MUC17: variants seen among roughly 807,000 people sequenced by gnomAD.
MUC17 encodes mucin 17, cell surface associated.
Under a neutral mutation model 170.3 loss-of-function variants are expected in MUC17, and 190 were observed. The observed-to-expected ratio is 1.12, with a 90% confidence interval of 0.99 to 1.26. MUC17 has a LOEUF of 1.26. Among genes scored for constraint, MUC17 ranks in the 50% most tolerant of loss-of-function variants. The pLI is 0.00. For synonymous variants in MUC17, 2,325 were observed against 2,002.5 expected (o/e 1.16, Z -4.30); for missense variants, 6,415 against 5,530.0 (o/e 1.16, Z -5.08).
rs1423487695 is a variant in MUC17, at chr7:101,040,340, C to G, written c.8924C>G (p.Thr2975Ser). The change falls in exon 3 of 13, where the codon ACC becomes AGC. Residue 2975 changes from threonine to serine, a missense_variant. Thr to Ser is a moderately conservative substitution (Grantham distance 58). Coordinates refer to ENST00000306151, the MANE Select transcript of MUC17 (RefSeq NM_001040105.2). ...ASSSPTTAEG[T>S]SMPISTPGER... ...TCTTCTCCTACAACTGCTGAAGGTA[C>G]CAGCATGCCAATCTCAACTCCTGGC... is the stretch of plus-strand genomic sequence containing the variant. The G allele has an allele frequency of 6.2e-6, 10 of 1,612,408 alleles. No individual in the cohort carries two copies. Among genetic ancestry groups the G allele is most frequent in the Non-Finnish European group, 6.8e-6 (8 of 1,179,498 alleles).
At position 101,032,497 on chromosome 7, in the gene MUC17, A is replaced by G. The variant is rs1794316056; in HGVS notation, c.1081A>G (p.Thr361Ala). ...CACACTTTCAATAACTCCTGTTGAC[A>G]CCAGCACACTTGTGACCACTTCTAC... is the stretch of plus-strand genomic sequence containing the variant. ...MSTLSITPVD[T>A]STLVTTSTEP... is the part of the protein sequence containing the mutation. Residue 361 changes from threonine (T) to alanine (A), a missense_variant, in exon 3 of 13, where the codon ACC becomes GCC. By Grantham distance (58) the Thr-to-Ala change is moderately conservative. Coordinates refer to ENST00000306151, the MANE Select transcript of MUC17 (RefSeq NM_001040105.2). 2 of 1,613,932 alleles carry G rather than the reference A, an allele frequency of 1.2e-6. No individual in the cohort carries two copies. The highest frequency in any genetic ancestry group is 1.3e-5 in the African/African-American group (1 of 74,872).
Position 101,038,395 on chromosome 7 carries a change from A to G in MUC17, c.6979A>G (p.Ser2327Gly), listed in dbSNP as rs772736171. The stretch of plus-strand genomic sequence containing the variant: ...ACCTCCTCCCACTGCTGAAGGTACC[A>G]GCATGCCAACCTCAACTTCTAGTGA... ...SSPPPTAEGT[S>G]MPTSTSSEGN... Residue 2327 changes from serine (S) to glycine (G), a missense_variant, in exon 3 of 13, where the codon AGC becomes GGC. By Grantham distance (56) the Ser-to-Gly change is moderately conservative (BLOSUM62 0). Coordinates refer to ENST00000306151, the MANE Select transcript of MUC17 (RefSeq NM_001040105.2). 1.7e-5 allele frequency: 27 copies of G among 1,614,038 alleles called. No individual in the cohort carries two copies. Among genetic ancestry groups the G allele is most frequent in the East Asian group, 2.2e-5 (1 of 44,856 alleles).
rs200870786 is a variant in MUC17, at chr7:101,033,408, T to C, written c.1992T>C (p.Thr664=). The C allele has an allele frequency of 6.2e-7, 1 of 1,613,310 alleles. No homozygotes were observed. Among genetic ancestry groups the C allele is most frequent in the Admixed American group, 1.7e-5 (1 of 59,890 alleles). The change falls in exon 3 of 13, where the codon ACT becomes ACC. Residue 664 remains threonine (T), a synonymous_variant. Coordinates refer to ENST00000306151, the MANE Select transcript of MUC17 (RefSeq NM_001040105.2). ...VDSNTPVTTS[T]EATSSSTTAE... ...CCAACACTCCTGTGACCACTTCAAC[T>C]GAAGCCACTTCATCTTCTACAACTG... is the stretch of plus-strand genomic sequence containing the variant.
chr7:101,030,152 T>C (rs1330015156), intron 1 of MUC17, among the ~76,000 whole-genome samples: 2 of 152,296 alleles, frequency 1.3e-5, no homozygotes, highest in Admixed American at 6.5e-5. Flanking sequence ...TTTACAATCT[T>C]AGCAATGTTC....
Position 101,034,801 on chromosome 7 carries a change from A to G in MUC17, c.3385A>G (p.Ser1129Gly), listed in dbSNP as rs1250385027. 3.7e-6 allele frequency: 6 copies of G among 1,603,410 alleles called. No individual in the cohort carries two copies. The highest frequency in any genetic ancestry group is 4.3e-6 in the Non-Finnish European group (5 of 1,174,004). The change falls in exon 3 of 13, where the codon AGC (serine) becomes GGC (glycine). Residue 1129 changes from serine (S) to glycine (G), a missense_variant. Ser to Gly is a moderately conservative substitution (Grantham distance 56). Coordinates refer to ENST00000306151, the MANE Select transcript of MUC17 (RefSeq NM_001040105.2). Reference sequence around the variant, plus strand: ...CCTTTCCACAACTCCTGTCGACACCAGCATACCTGTCACCACTTCTACTGA... The same window carrying G: ...CCTTTCCACAACTCCTGTCGACACCGGCATACCTGTCACCACTTCTACTGA... The part of the protein sequence containing the change: ...STLSTTPVDT[S>G]IPVTTSTEAS...
In MUC17 at chr7:101,042,958, A is replaced by T; in HGVS notation, c.11542A>T (p.Thr3848Ser). The change falls in exon 3 of 13, where the codon ACC (threonine) becomes TCC (serine). Residue 3848 changes from threonine (T) to serine (S), a missense_variant. Thr to Ser is a moderately conservative substitution (Grantham distance 58). Coordinates refer to ENST00000306151, the MANE Select transcript of MUC17 (RefSeq NM_001040105.2). ...TGGTGATACCAGCACACCTTTGCTCACCTCTACCAAAGCCGGTTCATTCTC... is the reference window on the plus strand; with the variant it reads ...TGGTGATACCAGCACACCTTTGCTCTCCTCTACCAAAGCCGGTTCATTCTC... ...PPGDTSTPLL[T>S]STKAGSFSIP... is the part of the protein sequence containing the mutation. 6.2e-7 allele frequency: 1 copy of T among 1,614,092 alleles called. No individual in the cohort carries two copies. Among genetic ancestry groups the T allele is most frequent in the African/African-American group, 1.3e-5 (1 of 75,012 alleles).
chr7:101,028,837 A>G (rs1056261755), intron 1 of MUC17, among the ~76,000 whole-genome samples: 1 of 152,100 alleles, frequency 6.6e-6, no homozygotes, highest in Non-Finnish European at 1.5e-5. Context: ...GCAGTAAGCT[A>G]TGATTGCCCC....
At chr7:101,023,335 C>G (rs1388572481) in intron 1 of MUC17, among the ~76,000 whole-genome samples, 1 of 152,126 alleles carries the variant, frequency 6.6e-6, no homozygotes, top group African/African-American at 2.4e-5. Flanking sequence ...AGGGGAGACC[C>G]TGCCGGGGTG....
chr7:101,036,013 A>C lies in MUC17; in HGVS notation c.4597A>C (p.Ser1533Arg), dbSNP rs765951259. 1.4e-5 allele frequency: 22 copies of C among 1,611,896 alleles called. 1 individual carries two copies. Among genetic ancestry groups the C allele is most frequent in the Admixed American group, 8.3e-5 (5 of 59,910 alleles). The change falls in exon 3 of 13, where the codon AGC (serine) becomes CGC (arginine). Residue 1533 changes from serine (S) to arginine (R), a missense_variant. Ser to Arg is a moderately radical substitution (Grantham distance 110, BLOSUM62 -1). Transcript: ENST00000306151. ...TTTVASSEINSLSTTPAVTST... is the reference protein window; with the variant it reads ...TTTVASSEINRLSTTPAVTST... ...AACAGTGGCCAGTTCTGAAATCAAC[A>C]GCCTTTCAACAACTCCTGCTGTCAC...
Position 101,040,554 on chromosome 7 carries a change from T to A in MUC17, c.9138T>A (p.Thr3046=), listed in dbSNP as rs1478119815. ...IPISTPSEGS[T]PLTSIPVSTT... is the part of the protein sequence containing the mutation. ...TCTCAACTCCTAGTGAAGGAAGTAC[T>A]CCATTAACAAGTATACCTGTCAGCA... Residue 3046 remains threonine (T), a synonymous_variant, in exon 3 of 13, where the codon ACT becomes ACA. Transcript: ENST00000306151. 1 of 1,612,012 alleles carries A rather than the reference T, an allele frequency of 6.2e-7. No individual in the cohort carries two copies.
chr7:101,036,014 G>A lies in MUC17; in HGVS notation c.4598G>A (p.Ser1533Asn), dbSNP rs193175136. ...TTTVASSEIN[S>N]LSTTPAVTST... ...ACAGTGGCCAGTTCTGAAATCAACA[G>A]CCTTTCAACAACTCCTGCTGTCACC... Residue 1533 changes from serine (S) to asparagine (N), a missense_variant, in exon 3 of 13, where the codon AGC becomes AAC. Coordinates refer to ENST00000306151, the MANE Select transcript of MUC17 (RefSeq NM_001040105.2). The A allele has an allele frequency of 3.7e-6, 6 of 1,609,868 alleles. No homozygotes were observed. In the East Asian group the frequency reaches 6.7e-5, roughly 18 times the overall value.
At chr7:101,047,214 T>G (rs1301943471) in intron 3 of MUC17, among the ~76,000 whole-genome samples, 2 of 152,198 alleles carry the variant, frequency 1.3e-5, no homozygotes, top group African/African-American at 4.8e-5. Context: ...ATTGCCAGTA[T>G]GGGCTTTTCC....
rs758187710 is a variant in MUC17, at chr7:101,033,224, C to A, written c.1808C>A (p.Thr603Asn). The A allele has an allele frequency of 1.4e-5, 23 of 1,614,078 alleles. No homozygotes were observed. Among genetic ancestry groups the A allele is most frequent in the Non-Finnish European group, 1.9e-5 (23 of 1,180,046 alleles). The part of the protein sequence containing the change: ...TPADSNTFVT[T>N]SSEASSSSTT... ...GCTGACTCCAACACTTTTGTGACCA[C>A]TTCTAGTGAAGCTAGTTCATCTTCT... Residue 603 changes from threonine (T) to asparagine (N), a missense_variant, in exon 3 of 13, where the codon ACT (threonine) becomes AAT (asparagine). Coordinates refer to ENST00000306151, the MANE Select transcript of MUC17 (RefSeq NM_001040105.2).
In MUC17 at chr7:101,032,298, C is replaced by A. The variant is rs753739411; in HGVS notation, c.882C>A (p.Thr294=). 6.2e-7 allele frequency: 1 copy of A among 1,613,794 alleles called. No homozygotes were observed. The highest frequency in any genetic ancestry group is 1.3e-5 in the African/African-American group (1 of 74,938). ...VMLVVSSEAS[T]LSTTPAATNI... ...TGGTGGTCAGTTCTGAGGCTAGCAC[C>A]CTTTCAACAACTCCTGCTGCCACCA... Residue 294 remains threonine (T), a synonymous_variant, in exon 3 of 13, where the codon ACC becomes ACA. Transcript: ENST00000306151.
rs201195011 is a variant in MUC17 at position 101,036,047 on chromosome 7, C to T, written c.4631C>T (p.Pro1544Leu). 1.9e-5 allele frequency: 30 copies of T among 1,612,628 alleles called. No homozygotes were observed. In the East Asian group the frequency reaches 6.0e-4, roughly 32 times the overall value. Residue 1544 changes from proline to leucine, a missense_variant, in exon 3 of 13, where the codon CCT becomes CTT. Physicochemically the swap from Pro to Leu is moderately conservative, Grantham distance 98. Coordinates refer to ENST00000306151, the MANE Select transcript of MUC17 (RefSeq NM_001040105.2). ...LSTTPAVTST[P>L]VTTYSQASSS... ...ACAACTCCTGCTGTCACCAGCACAC[C>T]TGTGACCACTTATTCTCAAGCCAGT...
At chr7:101,028,012 A>G (rs924808143) in intron 1 of MUC17, among the ~76,000 whole-genome samples, 8 of 149,620 alleles carry the variant, frequency 5.3e-5, no homozygotes, top group African/African-American at 2.0e-4. Context: ...GGCTCAAGTG[A>G]TCTGCCTGTC....
chr7:101,050,356 A>G, intron 6 of MUC17, 128 bp from the exon 7 acceptor site: 2 of 1,362,256 alleles, frequency 1.5e-6, no homozygotes, highest in Non-Finnish European at 1.0e-6. Context: ...GGACAGAGTC[A>G]TCACCCCAAC....
rs771685225 is a variant in MUC17, at chr7:101,037,223, C to G, written c.5807C>G (p.Thr1936Arg). Residue 1936 changes from threonine (T) to arginine (R), a missense_variant, in exon 3 of 13, where the codon ACA (threonine) becomes AGA (arginine). Coordinates refer to ENST00000306151, the MANE Select transcript of MUC17 (RefSeq NM_001040105.2). ...PPLTSIPVST[T>R]TVASSEINTL... ...TTAACAAGTATACCTGTCAGCACCA[C>G]AACAGTGGCCAGTTCTGAAATCAAC... 1 of 1,611,800 alleles carries G rather than the reference C, an allele frequency of 6.2e-7. No individual in the cohort carries two copies. The highest frequency in any genetic ancestry group is 8.5e-7 in the Non-Finnish European group (1 of 1,178,662).
rs763991392 is a variant in MUC17 at position 101,035,122 on chromosome 7, G to A, written c.3706G>A (p.Ala1236Thr). ...ACACACGCCAGTGGCCAGTTCTGAG[G>A]CTAGCACCCTTTCAACATCTCCCGT... is the stretch of plus-strand genomic sequence containing the variant. ...VRHTPVASSE[A>T]STLSTSPVDT... Residue 1236 changes from alanine to threonine, a missense_variant, in exon 3 of 13, where the codon GCT becomes ACT. Ala to Thr is a moderately conservative substitution (Grantham distance 58, BLOSUM62 0). Transcript: ENST00000306151. The A allele has an allele frequency of 1.7e-5, 27 of 1,610,424 alleles. No homozygotes were observed. The South Asian group carries it at 2.3e-4, about 14-fold the overall frequency.
Sources: allele counts gnomAD v4.1 joint callset (sites outside exome capture counted in the v4.1 genomes callset), GRCh38; gene constraint gnomAD v4.1.1; transcripts MANE v1.5; gene names NCBI Gene and HGNC (gene_info 2026-07-23, HGNC 2026-07-21).